The following RGS12 variants were observed in gnomAD, a reference collection of about 807,000 sequenced individuals.
RGS12 encodes regulator of G-protein signaling 12.
RGS12 carries 66 observed loss-of-function variants against 120.1 expected under a neutral mutation model. The observed-to-expected ratio is 0.55, with a 90% CI of 0.45 to 0.67. RGS12 has a LOEUF of 0.67. Ranked by LOEUF, RGS12 falls within the 30% of genes least tolerant of loss-of-function variation. The pLI is 0.00. For synonymous variants in RGS12, 827 were observed against 804.7 expected, an observed-to-expected ratio of 1.03 and a Z score of -0.47; for missense variants, 1,859 against 1,957.7, an observed-to-expected ratio of 0.95 and a Z score of 0.95.
intron 9 of RGS12, among the ~76,000 whole-genome samples, chr4:3,419,679 G>T (rs1370730717): frequency 6.6e-6 from 1 of 151,986 alleles, no homozygotes; most frequent in Admixed American, 6.6e-5. Context: ...AATTAGCCAA[G>T]TGTGGTGGCG....
intron 17 of RGS12, among the ~76,000 whole-genome samples, chr4:3,432,515 G>A (rs376012586): frequency 1.3e-5 from 2 of 152,242 alleles, no homozygotes; most frequent in Non-Finnish European, 1.5e-5. Context: ...CAGGTGTGGC[G>A]TGTGTCAGGC....
intron 17 of RGS12, 60 bp from the exon 18 acceptor site, chr4:3,439,395 G>A (rs1725120994): frequency 6.4e-7 from 1 of 1,555,266 alleles, no homozygotes; most frequent in South Asian, 1.1e-5. Context: ...GGTAGGGGGT[G>A]GGTTCCGGGG....
chr4:3,420,516 TG>T (rs1560167810), intron 9 of RGS12, 125 bp from the exon 10 acceptor site: 1 of 680,360 alleles, frequency 1.5e-6, no homozygotes. Flanking sequence ...TGATGCCTGG[TG>T]GGGGATGGGT....
At chr4:3,387,718 G>A (rs949127937) in intron 4 of RGS12, among the ~76,000 whole-genome samples, 1 of 152,200 alleles carries the variant, frequency 6.6e-6, no homozygotes. Flanking sequence ...TAAAGTGACC[G>A]GTGTTTTGAA....
At chr4:3,413,768 T>G in intron 4 of RGS12, 1 of 328,168 alleles carries the variant, frequency 3.0e-6, no homozygotes, top group Non-Finnish European at 5.7e-6. Flanking sequence ...AGTGTGCACG[T>G]GTGAGCATAT....
At chr4:3,304,328 G>C (rs984575561) in intron 1 of RGS12, among the ~76,000 whole-genome samples, 1 of 152,188 alleles carries the variant, frequency 6.6e-6, no homozygotes, top group Non-Finnish European at 1.5e-5. Flanking sequence ...CTGCTGACCT[G>C]CTGCCTAAAC....
intron 4 of RGS12, among the ~76,000 whole-genome samples, chr4:3,401,511 T>A (rs1022003130): frequency 8.5e-5 from 13 of 152,254 alleles, no homozygotes; most frequent in Non-Finnish European, 1.8e-4. Context: ...ATAGGAAAGT[T>A]AAGTAACTCG....
intron 3 of RGS12, among the ~76,000 whole-genome samples, chr4:3,362,775 TAGGGTGTGTGTG>T (rs1261664654): frequency 1.2e-4 from 10 of 83,690 alleles, no homozygotes; most frequent in Non-Finnish European, 1.2e-4. Context: ...GGGTGTGAGT[TAGGGTGTGTGTG>T]AGGGTGTGTG....
intron 3 of RGS12, chr4:3,369,925 C>G (rs887023295): frequency 1.3e-5 from 10 of 769,564 alleles, no homozygotes; most frequent in Non-Finnish European, 1.5e-5. Flanking sequence ...AACTGCACCA[C>G]GATGCTAAAA....
At position 3,354,618 on chromosome 4, in the gene RGS12, TAAGTAAGCAGTCCATTGCA is replaced by T. The variant is rs1213491259; in HGVS notation, c.1998+11568_1998+11586del. Among the ~76,000 whole-genome samples the T allele has an allele frequency of 2.0e-5, 3 of 152,316 alleles. No homozygotes were observed. In the South Asian group the frequency reaches 6.2e-4, roughly 32 times the overall value. On this transcript the variant is annotated intron_variant, in intron 3 of 17. Coordinates refer to ENST00000336727, the MANE Select transcript of RGS12 (RefSeq NM_001394154.1). ...TAAACCAACAGCAAAATGTGTTTGC[TAAGTAAGCAGTCCATTGCA>T]AAATAATCCAGAGTTCACAGACGCA... is the stretch of plus-strand genomic sequence containing the variant.
chr4:3,405,687 G>A (rs1205590709), intron 4 of RGS12, among the ~76,000 whole-genome samples: 6 of 152,180 alleles, frequency 3.9e-5, no homozygotes. Flanking sequence ...GGGGCAAAGA[G>A]GCATGCTGTC....
chr4:3,411,071 A>G (rs1010857489), intron 4 of RGS12, among the ~76,000 whole-genome samples: 9 of 152,278 alleles, frequency 5.9e-5, no homozygotes, highest in South Asian at 2.1e-4. Context: ...CCTCACTCCA[A>G]TGTTTTAAAA....
chr4:3,397,111 C>T (rs531172936), intron 4 of RGS12, among the ~76,000 whole-genome samples: 11 of 152,132 alleles, frequency 7.2e-5, no homozygotes, highest in African/African-American at 2.7e-4. Context: ...GAGATGATTT[C>T]AGGCTAATGC....
chr4:3,431,135 C>T (rs1724260737), intron 17 of RGS12, 180 bp downstream of exon 17: 2 of 1,430,972 alleles, frequency 1.4e-6, no homozygotes, highest in South Asian at 3.0e-5. Flanking sequence ...TCGTGTGGCC[C>T]CAGGCCAGTG....
chr4:3,415,362 C>T (rs1722265264), intron 6 of RGS12, among the ~76,000 whole-genome samples: 1 of 152,182 alleles, frequency 6.6e-6, no homozygotes, highest in Admixed American at 6.5e-5. Flanking sequence ...TTAATTTTGC[C>T]TAAACCTGGT....
chr4:3,398,933 G>A (rs1720318981), intron 4 of RGS12, among the ~76,000 whole-genome samples: 1 of 152,168 alleles, frequency 6.6e-6, no homozygotes, highest in Admixed American at 6.5e-5. Context: ...ATAGCATACA[G>A]AGAATAGCTC....
At position 3,415,966 on chromosome 4, in the gene RGS12, C is replaced by G; in HGVS notation, c.2284-12C>G. 1 of 1,601,394 alleles carries G rather than the reference C, an allele frequency of 6.2e-7. No individual in the cohort carries two copies. Among genetic ancestry groups the G allele is most frequent in the Non-Finnish European group, 8.5e-7 (1 of 1,174,246 alleles). On this transcript the variant is annotated splice_polypyrimidine_tract_variant and intron_variant, in intron 6 of 17. Coordinates refer to ENST00000336727, the MANE Select transcript of RGS12 (RefSeq NM_001394154.1). ...AAGCCTTGCCGGGCTGCTCAGGTGC[C>G]TTTCCTGTCAGCTTTCCTACAGGGC...
In RGS12 at chr4:3,316,409, T is replaced by C. The variant is rs772597683; in HGVS notation, c.239T>C (p.Val80Ala). The change falls in exon 2 of 18, where the codon GTA becomes GCA. Residue 80 changes from valine (V) to alanine (A), a missense_variant. Around this residue, in one of 3 missense-constraint regions of RGS12, gnomAD observed 967 missense variants for 994.2 expected, o/e 0.97. Transcript: ENST00000336727. The part of the protein sequence containing the change: ...INVKKASHED[V>A]VKLIGKCSGV... ...GTGAAAAAAGCATCTCATGAAGATG[T>C]AGTGAAATTAATTGGGAAGTGCTCT... is the stretch of plus-strand genomic sequence containing the variant. The C allele has an allele frequency of 7.4e-6, 12 of 1,614,114 alleles. No individual in the cohort carries two copies. The Admixed American group carries it at 2.0e-4, about 27-fold the overall frequency.
chr4:3,357,854 G>A (rs80174683), intron 3 of RGS12, among the ~76,000 whole-genome samples: 4,882 of 152,166 alleles, frequency 0.032, 239 homozygotes, highest in African/African-American at 0.11. Context: ...GAAATTCCAA[G>A]TGAATTTTAG....
Sources: gnomAD v4.1 joint callset for allele counts (sites outside exome capture counted in the v4.1 genomes callset) on GRCh38, gnomAD v4.1.1 for gene constraint, gnomAD v4.1.1 regional missense constraint, MANE v1.5 for transcripts, NCBI Gene and HGNC (gene_info 2026-07-23, HGNC 2026-07-21) for gene names.